Variants in BBS9 observed in about 807,000 individuals in gnomAD.
The protein encoded by BBS9 is Bardet-Biedl syndrome 9, also known as protein PTHB1.
In BBS9, 89 loss-of-function variants were observed where a neutral mutation model predicts 117.7. The ratio of observed to expected loss-of-function variants is 0.76; its 90% CI spans 0.64 to 0.90. The LOEUF (loss-of-function observed/expected upper bound fraction) is 0.90. BBS9 is among the 40% of genes least tolerant of loss of function. BBS9 has a pLI of 0.00. For synonymous variants in BBS9, 379 were observed against 370.9 expected (o/e 1.02, Z -0.25); for missense variants, 982 against 1,042.2 (o/e 0.94, Z 0.80).
intron 19 of BBS9, among the ~76,000 whole-genome samples, chr7:33,396,096 CAAA>C (rs1394466133): frequency 6.6e-6 from 1 of 151,528 alleles, no homozygotes; most frequent in Admixed American, 6.6e-5. Flanking sequence ...CAAAACAAAA[CAAA>C]AAAACTGAGA....
At chr7:33,589,739 G>A (rs1407686499) in intron 21 of BBS9, among the ~76,000 whole-genome samples, 1 of 152,018 alleles carries the variant, frequency 6.6e-6, no homozygotes, top group Non-Finnish European at 1.5e-5. Context: ...GATGCTGTTA[G>A]AGATCTAAGT....
chr7:33,608,390 T>C (rs1277165018), downstream of BBS9, among the ~76,000 whole-genome samples: 1 of 152,154 alleles, frequency 6.6e-6, no homozygotes, highest in Non-Finnish European at 1.5e-5. Context: ...TTATTTTCTT[T>C]TGGATATATA....
chr7:33,570,600 C>T (rs886238815), intron 21 of BBS9, among the ~76,000 whole-genome samples: 1 of 152,106 alleles, frequency 6.6e-6, no homozygotes, highest in Non-Finnish European at 1.5e-5. Context: ...TGAAGAGAAA[C>T]AAAATATTTG....
chr7:33,147,489 A>G (rs1792603218), intron 2 of BBS9, among the ~76,000 whole-genome samples: 1 of 152,154 alleles, frequency 6.6e-6, no homozygotes, highest in South Asian at 2.1e-4. Context: ...GTTTTGAAGG[A>G]AAATTTGGTC....
chr7:33,202,072 T>A (rs1305417254), intron 5 of BBS9, among the ~76,000 whole-genome samples: 1 of 152,176 alleles, frequency 6.6e-6, no homozygotes, highest in Non-Finnish European at 1.5e-5. Flanking sequence ...TTTGGGTATG[T>A]GGTAGGCATC....
chr7:33,271,376 T>C (rs1388047163), intron 7 of BBS9, among the ~76,000 whole-genome samples: 3 of 152,162 alleles, frequency 2.0e-5, no homozygotes, highest in Non-Finnish European at 4.4e-5. Flanking sequence ...ATACTAACCT[T>C]GAATGTAAAC....
chr7:33,558,719 C>A (rs1395918164), intron 21 of BBS9, among the ~76,000 whole-genome samples: 7 of 151,982 alleles, frequency 4.6e-5, no homozygotes, highest in Non-Finnish European at 7.4e-5. Context: ...TGAGCAGAAG[C>A]CCGCAGCATG....
chr7:33,539,043 T>C (rs1222960557), intron 21 of BBS9, among the ~76,000 whole-genome samples: 1 of 152,204 alleles, frequency 6.6e-6, no homozygotes, highest in East Asian at 1.9e-4. Flanking sequence ...AAGTGTGAGC[T>C]TCTGTTACTA....
chr7:33,169,295 G>A (rs969339848), intron 4 of BBS9, among the ~76,000 whole-genome samples: 80 of 150,332 alleles, frequency 5.3e-4, no homozygotes, highest in Middle Eastern at 3.4e-3. Flanking sequence ...CTTTATAGCA[G>A]CATGACTTAG....
intron 4 of BBS9, among the ~76,000 whole-genome samples, chr7:33,175,406 G>A (rs1797204419): frequency 6.6e-6 from 1 of 152,084 alleles, no homozygotes; most frequent in African/African-American, 2.4e-5. Context: ...ATCCTCCCCT[G>A]ATAGTTTTTC....
chr7:33,331,526 T>A (rs967869069), intron 9 of BBS9, among the ~76,000 whole-genome samples: 1 of 151,926 alleles, frequency 6.6e-6, no homozygotes, highest in African/African-American at 2.4e-5. Context: ...TAAAGACTCA[T>A]CCAAAAAGCT....
chr7:33,419,087 G>A (rs896939532), intron 19 of BBS9, among the ~76,000 whole-genome samples: 4 of 150,824 alleles, frequency 2.7e-5, no homozygotes, highest in African/African-American at 9.8e-5. Flanking sequence ...TTTTTTTCAT[G>A]TGAATTGGTC....
chr7:33,309,757 G>C (rs1446218326), intron 9 of BBS9, among the ~76,000 whole-genome samples: 1 of 152,164 alleles, frequency 6.6e-6, no homozygotes, highest in African/African-American at 2.4e-5. Context: ...GAAATACTTA[G>C]AAGGATCCGG....
At chr7:33,148,615 G>A (rs1450599090) in intron 2 of BBS9, among the ~76,000 whole-genome samples, 2 of 151,210 alleles carry the variant, frequency 1.3e-5, no homozygotes, top group Admixed American at 6.6e-5. Context: ...CACCTGCCTC[G>A]GCCTCACAAA....
chr7:33,261,460 C>T (rs1392567081), intron 6 of BBS9, among the ~76,000 whole-genome samples: 11 of 152,226 alleles, frequency 7.2e-5, no homozygotes, highest in Non-Finnish European at 8.8e-5. Flanking sequence ...GGATTCTCCC[C>T]GGCATAGTCA....
intron 9 of BBS9, among the ~76,000 whole-genome samples, chr7:33,313,561 T>G (rs1175085658): frequency 1.3e-5 from 2 of 152,232 alleles, no homozygotes; most frequent in Non-Finnish European, 2.9e-5. Context: ...CTCTGAGTTC[T>G]TGATACACAA....
chr7:33,325,196 T>C (rs1812585742), intron 9 of BBS9, among the ~76,000 whole-genome samples: 1 of 152,212 alleles, frequency 6.6e-6, no homozygotes, highest in African/African-American at 2.4e-5. Context: ...CTCCTCTGAC[T>C]GTATATTTTC....
intron 21 of BBS9, among the ~76,000 whole-genome samples, chr7:33,562,196 A>C (rs1856189085): frequency 6.6e-6 from 1 of 152,200 alleles, no homozygotes. Context: ...TGACCCTTAG[A>C]TTTACCATTG....
chr7:33,464,066 A>G (rs897643458), intron 19 of BBS9, among the ~76,000 whole-genome samples: 1 of 152,126 alleles, frequency 6.6e-6, no homozygotes, highest in South Asian at 2.1e-4. Flanking sequence ...AAAATCATAC[A>G]TCATTTATAA....
Sources: allele counts gnomAD v4.1 joint callset (sites outside exome capture counted in the v4.1 genomes callset), GRCh38; gene constraint gnomAD v4.1.1; transcripts MANE v1.5; gene names NCBI Gene and HGNC (gene_info 2026-07-23, HGNC 2026-07-21).